The following CALN1 variants were observed in gnomAD, a reference collection of about 807,000 sequenced individuals.
The protein encoded by CALN1 is calcium-binding protein 8.
CALN1 carries 17 observed loss-of-function variants against 30.6 expected under a neutral mutation model. The observed-to-expected ratio is 0.56, with a 90% confidence interval of 0.38 to 0.83. The LOEUF is 0.83. Ranked by LOEUF, CALN1 falls within the 40% of genes least tolerant of loss-of-function variation. The pLI is 0.00. For synonymous variants in CALN1, 156 were observed against 131.4 expected, an observed-to-expected ratio of 1.19 and a Z score of -1.28; for missense variants, 291 against 354.9, an observed-to-expected ratio of 0.82 and a Z score of 1.45.
intron 5 of CALN1, among the ~76,000 whole-genome samples, chr7:71,865,912 A>T (rs906790640): frequency 5.3e-5 from 8 of 152,254 alleles, no homozygotes; most frequent in African/African-American, 1.9e-4. Flanking sequence ...TCAAATAAAA[A>T]TTACCAATTT....
At chr7:72,261,672 C>T (rs1372098140) in intron 3 of CALN1, among the ~76,000 whole-genome samples, 1 of 152,192 alleles carries the variant, frequency 6.6e-6, no homozygotes, top group African/African-American at 2.4e-5. Context: ...AAGTAATCCT[C>T]CTGCCTCGGC....
upstream of CALN1, among the ~76,000 whole-genome samples, chr7:72,451,134 AAGAAGAAGGAGAAGG>A (rs1431726419): frequency 5.4e-5 from 8 of 148,844 alleles, no homozygotes; most frequent in East Asian, 4.0e-4. Flanking sequence ...AGAGATAGAG[AAGAAGAAGGAGAAGG>A]AGAAGAAGGA....
chr7:72,083,698 T>C (rs1404319932), intron 4 of CALN1, among the ~76,000 whole-genome samples: 1 of 151,792 alleles, frequency 6.6e-6, no homozygotes. Flanking sequence ...AGGCAGGCAG[T>C]TCACGAGGTT....
At chr7:72,343,596 C>T (rs1322824860) in intron 2 of CALN1, among the ~76,000 whole-genome samples, 1 of 151,858 alleles carries the variant, frequency 6.6e-6, no homozygotes, top group African/African-American at 2.4e-5. Flanking sequence ...CTAATGACCT[C>T]ATGGATCTGA....
chr7:71,974,884 AG>A (rs1239789124), intron 5 of CALN1, among the ~76,000 whole-genome samples: 1 of 152,206 alleles, frequency 6.6e-6, no homozygotes, highest in African/African-American at 2.4e-5. Context: ...AAGCCAGCAC[AG>A]GCTCCATTTG....
At chr7:71,979,172 A>C (rs1798258974) in intron 5 of CALN1, among the ~76,000 whole-genome samples, 1 of 152,146 alleles carries the variant, frequency 6.6e-6, no homozygotes, top group South Asian at 2.1e-4. Context: ...AGTGGTCCCC[A>C]ACTTGGCACC....
intron 4 of CALN1, among the ~76,000 whole-genome samples, chr7:72,072,895 A>C (rs1202846670): frequency 1.3e-5 from 2 of 152,210 alleles, no homozygotes; most frequent in Admixed American, 1.3e-4. Flanking sequence ...GAAAATAGAC[A>C]TAAAATATAT....
At chr7:72,402,486 C>T (rs1434350033) in intron 2 of CALN1, among the ~76,000 whole-genome samples, 1 of 152,190 alleles carries the variant, frequency 6.6e-6, no homozygotes, top group Non-Finnish European at 1.5e-5. Flanking sequence ...GAGACAATTT[C>T]AGGATGTACC....
At chr7:71,888,333 T>C (rs1793034403) in intron 5 of CALN1, among the ~76,000 whole-genome samples, 1 of 151,860 alleles carries the variant, frequency 6.6e-6, no homozygotes, top group Admixed American at 6.6e-5. Flanking sequence ...ACTGTAGGGA[T>C]GACTGCAGAA....
intron 5 of CALN1, among the ~76,000 whole-genome samples, chr7:71,941,504 A>G (rs1400784555): frequency 6.6e-6 from 1 of 152,214 alleles, no homozygotes. Context: ...AACAAAATAT[A>G]TGAATAAGAA....
In CALN1 at chr7:71,786,208, C is replaced by A. The variant is rs184586042; in HGVS notation, c.*1567G>T. ...GGAACACACAACGCACCAAAAAATCCTACCCACTGCATAGAGACAAGAAAG... is the reference window on the plus strand; with the variant it reads ...GGAACACACAACGCACCAAAAAATCATACCCACTGCATAGAGACAAGAAAG... On this transcript the variant is annotated 3_prime_UTR_variant, in exon 7 of 7. Transcript: ENST00000395275. 6.6e-6 allele frequency: 1 copy of A among 152,348 alleles called. No individual in the cohort carries two copies. Among genetic ancestry groups the A allele is most frequent in the Admixed American group, 6.5e-5 (1 of 15,292 alleles). The allele number at this position is 152,348 out of a possible 1,614,324, so 9.4% of individuals were successfully genotyped here. A position where few individuals can be genotyped will look rare whatever the true frequency, so the allele number is the denominator to read the frequency against.
upstream of CALN1, among the ~76,000 whole-genome samples, chr7:72,416,297 C>T (rs1423887017): frequency 3.3e-5 from 5 of 152,240 alleles, no homozygotes; most frequent in Non-Finnish European, 7.3e-5. Context: ...ATGACTGCAG[C>T]ACTGCCCCTG....
intron 3 of CALN1, among the ~76,000 whole-genome samples, chr7:72,229,413 C>A (rs1325377030): frequency 6.6e-6 from 1 of 151,824 alleles, no homozygotes; most frequent in East Asian, 1.9e-4. Flanking sequence ...ACCATTTGAC[C>A]CAACAATCCT....
At chr7:72,458,867 T>C in the CALN1 span, among the ~76,000 whole-genome samples, 41 of 139,348 alleles carry the variant, frequency 2.9e-4, no homozygotes, top group African/African-American at 9.8e-4. Context: ...TTTTTATATA[T>C]TCATATATAT....
chr7:72,035,693 T>C (rs1317805432), intron 4 of CALN1, among the ~76,000 whole-genome samples: 1 of 152,228 alleles, frequency 6.6e-6, no homozygotes, highest in Non-Finnish European at 1.5e-5. Flanking sequence ...TTTGGATTTA[T>C]ACCAGCTTAA....
chr7:72,321,512 G>A (rs540116551), intron 2 of CALN1, among the ~76,000 whole-genome samples: 2 of 152,292 alleles, frequency 1.3e-5, no homozygotes, highest in East Asian at 1.9e-4. Context: ...GGCGAAAATC[G>A]TAAACGTAAT....
At chr7:72,368,809 C>CTTTTTTTTT (rs57192078) in intron 2 of CALN1, among the ~76,000 whole-genome samples, 1 of 101,508 alleles carries the variant, frequency 9.9e-6, no homozygotes, top group African/African-American at 3.7e-5. Flanking sequence ...GTTTGAAACC[C>CTTTTTTTTT]TTTTTTTTTT....
intron 4 of CALN1, among the ~76,000 whole-genome samples, chr7:72,078,810 C>T (rs1804924633): frequency 6.6e-6 from 1 of 152,168 alleles, no homozygotes; most frequent in Non-Finnish European, 1.5e-5. Flanking sequence ...GTGGCAGGCA[C>T]CTGTAATCCC....
chr7:72,312,810 A>C (rs1800143401), intron 2 of CALN1, among the ~76,000 whole-genome samples: 1 of 150,894 alleles, frequency 6.6e-6, no homozygotes, highest in Non-Finnish European at 1.5e-5. Context: ...AATAGAAGAG[A>C]GAATAAGGGA....
Sources: gnomAD v4.1 joint callset for allele counts (sites outside exome capture counted in the v4.1 genomes callset) on GRCh38, gnomAD v4.1.1 for gene constraint, MANE v1.5 for transcripts, NCBI Gene and HGNC (gene_info 2026-07-23, HGNC 2026-07-21) for gene names.